MACROD2: variants seen among roughly 807,000 people sequenced by gnomAD.
MACROD2 encodes mono-ADP ribosylhydrolase 2.
MACROD2 carries 36 observed loss-of-function variants against 70.4 expected under a neutral mutation model. The ratio of observed to expected loss-of-function variants is 0.51; its 90% CI spans 0.39 to 0.68. The LOEUF (loss-of-function observed/expected upper bound fraction) is 0.68, where lower values mean the gene tolerates loss of function less well. Among genes scored for constraint, MACROD2 ranks in the 30% least tolerant of loss-of-function variants. The pLI, the probability that MACROD2 is intolerant of heterozygous loss-of-function variation, is 0.00. For missense variants in MACROD2, 496 were observed against 538.4 expected (o/e 0.92, Z 0.78); for synonymous variants, 172 against 178.8 (o/e 0.96, Z 0.30).
At chr20:15,663,943 T>C (rs895161000) in intron 8 of MACROD2, among the ~76,000 whole-genome samples, 4 of 152,206 alleles carry the variant, frequency 2.6e-5, no homozygotes, top group African/African-American at 7.2e-5. Context: ...TGTATAATGA[T>C]AGCTCCACAG....
At chr20:15,189,073 T>C (rs2076552484) in intron 5 of MACROD2, among the ~76,000 whole-genome samples, 1 of 152,140 alleles carries the variant, frequency 6.6e-6, no homozygotes, top group Admixed American at 6.6e-5. Flanking sequence ...GCCAATGACA[T>C]GTGGGTAACA....
chr20:14,908,253 A>G (rs779352865), intron 5 of MACROD2, among the ~76,000 whole-genome samples: 19 of 152,146 alleles, frequency 1.2e-4, no homozygotes, highest in Non-Finnish European at 2.8e-4. Context: ...AGGCAGGAGA[A>G]TCACTTGATC....
intron 8 of MACROD2, among the ~76,000 whole-genome samples, chr20:15,835,121 G>A (rs2064099198): frequency 6.6e-6 from 1 of 152,170 alleles, no homozygotes. Context: ...TCAGCCATGT[G>A]AATACCACTT....
chr20:15,046,187 A>G (rs1204053139), intron 5 of MACROD2, among the ~76,000 whole-genome samples: 1 of 144,380 alleles, frequency 6.9e-6, no homozygotes, highest in African/African-American at 2.9e-5. Context: ...ATTAAAAAAT[A>G]CATATATATA....
At chr20:14,747,140 C>G (rs2071809620) in intron 5 of MACROD2, among the ~76,000 whole-genome samples, 1 of 152,136 alleles carries the variant, frequency 6.6e-6, no homozygotes, top group Non-Finnish European at 1.5e-5. Context: ...TTGCCAGATC[C>G]AAGCTGGGAG....
At chr20:15,657,137 G>T (rs536723245) in intron 8 of MACROD2, among the ~76,000 whole-genome samples, 10 of 152,182 alleles carry the variant, frequency 6.6e-5, no homozygotes, top group Non-Finnish European at 1.2e-4. Context: ...ATAAATGAAT[G>T]AATATGCCTG....
chr20:15,970,451 G>A (rs1056244937), intron 13 of MACROD2, among the ~76,000 whole-genome samples: 6 of 152,116 alleles, frequency 3.9e-5, no homozygotes, highest in Non-Finnish European at 7.4e-5. Context: ...CCATTAAGAT[G>A]AAGAGTAAAA....
At chr20:15,778,601 G>A (rs6135507) in intron 8 of MACROD2, among the ~76,000 whole-genome samples, 43,328 of 151,656 alleles carry the variant, frequency 0.29, 6,574 homozygotes, top group East Asian at 0.53. Flanking sequence ...TTATTTACCT[G>A]TGTAGGCAAA....
rs1002342792 is a variant in MACROD2 at position 15,109,714 on chromosome 20, C to A, written c.419-120226C>A. ...AAACAACTGCATATATGCATAAATA[C>A]GTGCACAATCACCTGTTGAATGCGC... On this transcript the variant is annotated intron_variant, in intron 5 of 17. Transcript: ENST00000684519. Among the ~76,000 whole-genome samples the A allele has an allele frequency of 5.9e-5, 9 of 152,242 alleles. No homozygotes were observed. In the East Asian group the frequency reaches 1.4e-3, roughly 23 times the overall value.
chr20:15,467,257 G>A (rs2046904874), intron 7 of MACROD2, among the ~76,000 whole-genome samples: 1 of 152,230 alleles, frequency 6.6e-6, no homozygotes, highest in Admixed American at 6.5e-5. Context: ...ACTCCGAAGT[G>A]TATGTTCTAT....
chr20:15,631,948 G>A (rs2049297367), intron 8 of MACROD2, among the ~76,000 whole-genome samples: 1 of 152,086 alleles, frequency 6.6e-6, no homozygotes. Flanking sequence ...GACCAGCCTG[G>A]CCAACATAGT....
In MACROD2 at chr20:15,402,253, G is replaced by T. The variant is rs192547053; in HGVS notation, c.541-29152G>T. On this transcript the variant is annotated intron_variant, in intron 6 of 17. Coordinates refer to ENST00000684519, the MANE Select transcript of MACROD2 (RefSeq NM_001351661.2). ...TATAGATACTCATCCTTGGAACCTG[G>T]CTTGTTGAAGGTTCTCCAGAGGCAA... Among the ~76,000 whole-genome samples the T allele has an allele frequency of 3.3e-3, 504 of 152,252 alleles. 2 individuals carry two copies. The highest frequency in any genetic ancestry group is 0.011 in the African/African-American group (465 of 41,520).
At chr20:15,043,252 A>G (rs1457367808) in intron 5 of MACROD2, among the ~76,000 whole-genome samples, 2 of 152,242 alleles carry the variant, frequency 1.3e-5, no homozygotes, top group Non-Finnish European at 2.9e-5. Context: ...TTTTATTTGA[A>G]TAATGTAGTT....
intron 5 of MACROD2, among the ~76,000 whole-genome samples, chr20:15,114,376 G>A (rs1280786146): frequency 2.6e-5 from 4 of 152,182 alleles, no homozygotes; most frequent in Admixed American, 6.5e-5. Context: ...TTAGCCAGCT[G>A]GAAGAGAGAT....
intron 8 of MACROD2, among the ~76,000 whole-genome samples, chr20:15,688,016 C>A (rs2050250271): frequency 6.6e-6 from 1 of 152,134 alleles, no homozygotes; most frequent in Non-Finnish European, 1.5e-5. Flanking sequence ...CCATCATTTG[C>A]TTTCTGTCCT....
chr20:14,674,764 C>A (rs1173605414), intron 4 of MACROD2, among the ~76,000 whole-genome samples: 1 of 152,148 alleles, frequency 6.6e-6, no homozygotes, highest in Non-Finnish European at 1.5e-5. Flanking sequence ...ATGCTTTGTG[C>A]AAGGTAGTTG....
At chr20:14,642,079 G>A (rs1050049899) in intron 4 of MACROD2, among the ~76,000 whole-genome samples, 16 of 152,302 alleles carry the variant, frequency 1.1e-4, no homozygotes, top group African/African-American at 3.8e-4. Context: ...AATTGTTTTA[G>A]CTAGATCTTC....
At chr20:15,923,307 A>G (rs1327265496) in intron 10 of MACROD2, among the ~76,000 whole-genome samples, 2 of 152,108 alleles carry the variant, frequency 1.3e-5, no homozygotes, top group African/African-American at 4.8e-5. Context: ...GTGGCAAGAG[A>G]AAATGAGGAA....
intron 8 of MACROD2, among the ~76,000 whole-genome samples, chr20:15,815,410 G>GT (rs1239848772): frequency 2.1e-5 from 3 of 141,446 alleles, no homozygotes; most frequent in African/African-American, 5.2e-5. Flanking sequence ...CAAAACAATA[G>GT]TTCTTTTTTT....
Sources: allele counts gnomAD v4.1 joint callset (sites outside exome capture counted in the v4.1 genomes callset), GRCh38; gene constraint gnomAD v4.1.1; transcripts MANE v1.5; gene names NCBI Gene and HGNC (gene_info 2026-07-23, HGNC 2026-07-21).